Variants in RBFOX1 observed in about 807,000 individuals in gnomAD.
The protein encoded by RBFOX1 is RNA binding protein fox-1 homolog 1.
A neutral mutation model predicts 57.7 loss-of-function variants in RBFOX1; 8 were observed. That is an observed-to-expected ratio of 0.14 (90% CI 0.08 to 0.25). The LOEUF (loss-of-function observed/expected upper bound fraction) is 0.25, where lower values mean the gene tolerates loss of function less well. RBFOX1 is among the 10% of genes least tolerant of loss of function. The probability of loss-of-function intolerance (pLI) is 1.00; values close to 1 mark genes in which losing one functional copy is unlikely to be tolerated. For synonymous variants in RBFOX1, 326 were observed against 222.4 expected, an observed-to-expected ratio of 1.47 and a Z score of -4.15; for missense variants, 611 against 548.5, an observed-to-expected ratio of 1.11 and a Z score of -1.14.
At chr16:6,084,727 G>A (rs1477093541) in intron 1 of RBFOX1, among the ~76,000 whole-genome samples, 1 of 152,076 alleles carries the variant, frequency 6.6e-6, no homozygotes, top group Non-Finnish European at 1.5e-5. Context: ...GCATTCTAGG[G>A]TATTCAGAGG....
intron 1 of RBFOX1, among the ~76,000 whole-genome samples, chr16:6,282,031 A>G (rs1021760191): frequency 9.2e-5 from 14 of 152,178 alleles, no homozygotes; most frequent in Admixed American, 8.5e-4. Flanking sequence ...GAGTGGTATC[A>G]TATTAACTGT....
At chr16:6,639,120 G>T (rs1043194381) in intron 2 of RBFOX1, among the ~76,000 whole-genome samples, 5 of 152,168 alleles carry the variant, frequency 3.3e-5, no homozygotes, top group African/African-American at 1.2e-4. Flanking sequence ...CTCATTTCTG[G>T]ATACTCAATA....
chr16:5,642,165 T>G (rs977005420), intron 3 of RBFOX1, among the ~76,000 whole-genome samples: 3 of 152,190 alleles, frequency 2.0e-5, no homozygotes, highest in Non-Finnish European at 4.4e-5. Context: ...GCTCATTGAA[T>G]CAGTCTGTCG....
chr16:5,574,628 G>A (rs2046394858), intron 2 of RBFOX1, among the ~76,000 whole-genome samples: 1 of 151,760 alleles, frequency 6.6e-6, no homozygotes, highest in Admixed American at 6.6e-5. Context: ...ATGGGGTTTC[G>A]CCAAGTTGGT....
chr16:5,342,220 G>A (rs996815373), intron 1 of RBFOX1, among the ~76,000 whole-genome samples: 3 of 152,168 alleles, frequency 2.0e-5, no homozygotes, highest in Non-Finnish European at 4.4e-5. Flanking sequence ...GTGACCACCA[G>A]TTCCAAAGGT....
intron 3 of RBFOX1, among the ~76,000 whole-genome samples, chr16:6,826,293 G>A (rs1044439571): frequency 1.1e-4 from 17 of 152,174 alleles, no homozygotes; most frequent in South Asian, 6.2e-4. Flanking sequence ...CGAGAAAATC[G>A]TTTGAGTCCA....
intron 3 of RBFOX1, among the ~76,000 whole-genome samples, chr16:5,718,496 G>A (rs1212864900): frequency 6.6e-6 from 1 of 152,246 alleles, no homozygotes; most frequent in Non-Finnish European, 1.5e-5. Flanking sequence ...GCTCCATGAA[G>A]GCTGGGCTAT....
At chr16:5,867,279 T>C (rs767730146) in intron 3 of RBFOX1, 1 of 1,176,706 alleles carries the variant, frequency 8.5e-7, no homozygotes, top group Non-Finnish European at 1.1e-6. Flanking sequence ...TCAATACTAA[T>C]GTCTTTTTTT....
chr16:5,467,219 C>A (rs749618847), exon 2 of RBFOX1: 8 of 1,471,968 alleles, frequency 5.4e-6, no homozygotes, highest in Non-Finnish European at 1.8e-6. Context: ...AATGCAGGAT[C>A]TACTGTGCCT....
chr16:5,904,560 T>C (rs1303345926), intron 4 of RBFOX1, among the ~76,000 whole-genome samples: 1 of 151,884 alleles, frequency 6.6e-6, no homozygotes, highest in Non-Finnish European at 1.5e-5. Flanking sequence ...CAGACCATGG[T>C]GTGGTCTCTG....
In RBFOX1 at chr16:5,681,704, A is replaced by G. The variant is rs560863760; in HGVS notation, c.318+82743A>G. 4.6e-5 allele frequency among the ~76,000 whole-genome samples: 7 copies of G among 152,132 alleles called. No individual in the cohort carries two copies. In the South Asian group the frequency reaches 1.2e-3, roughly 27 times the overall value. On this transcript the variant is annotated intron_variant, in intron 3 of 19. Coordinates refer to the RBFOX1 transcript ENST00000641259. ...CACTGTGCCCGGCCGGTAAGATTTTATCTGAGACCTGTAGGATAAAATTGA... is the reference window on the plus strand; with the variant it reads ...CACTGTGCCCGGCCGGTAAGATTTTGTCTGAGACCTGTAGGATAAAATTGA...
At chr16:5,479,083 C>T (rs2069431128) in intron 2 of RBFOX1, among the ~76,000 whole-genome samples, 1 of 152,182 alleles carries the variant, frequency 6.6e-6, no homozygotes, top group South Asian at 2.1e-4. Context: ...CTGGCTGCCA[C>T]AAGGGGTGAG....
At chr16:5,315,538 G>A (rs911821670) in intron 1 of RBFOX1, among the ~76,000 whole-genome samples, 17 of 152,178 alleles carry the variant, frequency 1.1e-4, no homozygotes, top group Non-Finnish European at 4.4e-5. Flanking sequence ...TGAGCTGGGA[G>A]GGCTCCCCTT....
intron 4 of RBFOX1, among the ~76,000 whole-genome samples, chr16:7,257,569 C>G (rs562979005): frequency 9.6e-4 from 146 of 152,272 alleles, no homozygotes; most frequent in African/African-American, 3.4e-3. Context: ...TCCAGCCCAC[C>G]GTTGCCCACC....
At chr16:7,255,030 G>A (rs2094621885) in intron 4 of RBFOX1, among the ~76,000 whole-genome samples, 1 of 152,036 alleles carries the variant, frequency 6.6e-6, no homozygotes, top group Non-Finnish European at 1.5e-5. Flanking sequence ...CATAATTTTG[G>A]AACTTTATAA....
intron 4 of RBFOX1, among the ~76,000 whole-genome samples, chr16:7,372,021 A>T (rs1448514827): frequency 6.6e-6 from 1 of 152,014 alleles, no homozygotes; most frequent in Non-Finnish European, 1.5e-5. Context: ...GAGTTATCTG[A>T]TAGAGATATT....
chr16:7,534,772 G>T (rs1014278655), intron 5 of RBFOX1, among the ~76,000 whole-genome samples: 3 of 63,876 alleles, frequency 4.7e-5, no homozygotes, highest in African/African-American at 2.0e-4. Context: ...CTAATGAGCA[G>T]GATCCAGGTT....
intron 4 of RBFOX1, among the ~76,000 whole-genome samples, chr16:7,326,775 C>A (rs1046840499): frequency 6.6e-6 from 1 of 152,080 alleles, no homozygotes; most frequent in African/African-American, 2.4e-5. Context: ...GCCTCTCCAA[C>A]TTTGAAACGC....
chr16:7,269,476 G>A (rs1393645808), intron 4 of RBFOX1, among the ~76,000 whole-genome samples: 1 of 152,092 alleles, frequency 6.6e-6, no homozygotes, highest in Non-Finnish European at 1.5e-5. Context: ...GAGAGAGAGA[G>A]AGGCAGACAG....
Sources: gnomAD v4.1 joint callset for allele counts (sites outside exome capture counted in the v4.1 genomes callset) on GRCh38, gnomAD v4.1.1 for gene constraint, MANE v1.5 for transcripts, NCBI Gene and HGNC (gene_info 2026-07-23, HGNC 2026-07-21) for gene names.